C1QTNF7: variants seen among roughly 807,000 people sequenced by gnomAD.
The protein encoded by C1QTNF7 is C1q and TNF related 7, also known as complement C1q tumor necrosis factor-related protein 7.
C1QTNF7 carries 15 observed loss-of-function variants against 19.6 expected under a neutral mutation model. The ratio of observed to expected loss-of-function variants is 0.76; its 90% confidence interval spans 0.51 to 1.18. C1QTNF7 has a LOEUF of 1.18. Ranked by LOEUF, C1QTNF7 falls within the 50% of genes most tolerant of loss-of-function variation. C1QTNF7 has a pLI of 0.00. For missense variants in C1QTNF7, 324 were observed against 359.7 expected (o/e 0.90, Z 0.80); for synonymous variants, 142 against 137.5 (o/e 1.03, Z -0.23).
chr4:15,348,965 G>T (rs1033099512), intron 1 of C1QTNF7, among the ~76,000 whole-genome samples: 17 of 152,140 alleles, frequency 1.1e-4, no homozygotes, highest in Non-Finnish European at 2.2e-4. Flanking sequence ...ACAGTTGCAG[G>T]TAAACCTTCT....
chr4:15,370,446 C>A lies in C1QTNF7; in HGVS notation c.13+30239C>A, dbSNP rs540826938. Among the ~76,000 whole-genome samples the A allele has an allele frequency of 4.6e-5, 7 of 152,228 alleles. No homozygotes were observed. The South Asian group carries it at 1.5e-3, about 32-fold the overall frequency. The stretch of plus-strand genomic sequence containing the variant: ...GTATCTTTCACAACCCTGTGTGTGC[C>A]CTCCTTGGCTGGCTGTAATTAGGAA... On this transcript the variant is annotated intron_variant, in intron 1 of 2. Coordinates refer to the C1QTNF7 transcript ENST00000295297.
At chr4:15,340,284 C>T (rs1052096070) in intron 1 of C1QTNF7, 1 of 1,471,272 alleles carries the variant, frequency 6.8e-7, no homozygotes, top group Admixed American at 2.0e-5. Context: ...CCTGGGAGAA[C>T]TTAAGAAAGC....
intron 1 of C1QTNF7, among the ~76,000 whole-genome samples, chr4:15,369,265 G>A (rs985975925): frequency 6.6e-6 from 1 of 152,196 alleles, no homozygotes; most frequent in African/African-American, 2.4e-5. Context: ...CCCAGAATTA[G>A]GGAGAGGCAA....
At chr4:15,441,532 T>A (rs1560372764) in intron 2 of C1QTNF7, among the ~76,000 whole-genome samples, 1 of 152,354 alleles carries the variant, frequency 6.6e-6, no homozygotes, top group East Asian at 1.9e-4. Context: ...AATATCATCA[T>A]GCTCATTGAA....
chr4:15,384,849 C>T (rs1718273050), intron 1 of C1QTNF7, among the ~76,000 whole-genome samples: 2 of 152,064 alleles, frequency 1.3e-5, no homozygotes, highest in South Asian at 4.1e-4. Flanking sequence ...GTAGTGGCCT[C>T]CGGGGAGTGG....
intron 1 of C1QTNF7, among the ~76,000 whole-genome samples, chr4:15,420,826 C>CTTTTTTTTTTTTTTTTTT (rs61609914): frequency 3.0e-5 from 2 of 66,246 alleles, no homozygotes; most frequent in African/African-American, 1.2e-4. Context: ...ACTGCTTTGT[C>CTTTTTTTTTTTTTTTTTT]TTTTTTTTTT....
chr4:15,431,759 A>G (rs1038100321), intron 1 of C1QTNF7, among the ~76,000 whole-genome samples: 1 of 152,168 alleles, frequency 6.6e-6, no homozygotes, highest in African/African-American at 2.4e-5. Context: ...CCCTGCTGTA[A>G]GTGGTTGGAC....
chr4:15,370,872 C>A (rs1350459383), intron 1 of C1QTNF7, among the ~76,000 whole-genome samples: 1 of 152,166 alleles, frequency 6.6e-6, no homozygotes, highest in Non-Finnish European at 1.5e-5. Context: ...AATGGAAACA[C>A]TTAAGATTTA....
chr4:15,377,661 A>C (rs943122686), intron 1 of C1QTNF7, among the ~76,000 whole-genome samples: 1 of 152,156 alleles, frequency 6.6e-6, no homozygotes, highest in African/African-American at 2.4e-5. Flanking sequence ...GGAACTTTAG[A>C]TGCCTGGGAA....
intron 1 of C1QTNF7, among the ~76,000 whole-genome samples, chr4:15,344,042 A>G (rs1047728058): frequency 6.6e-6 from 1 of 152,208 alleles, no homozygotes; most frequent in Non-Finnish European, 1.5e-5. Flanking sequence ...TAAAGAATAG[A>G]TAAGGATTGG....
chr4:15,396,195 G>A lies in C1QTNF7; in HGVS notation c.14-39541G>A, dbSNP rs200285072. On this transcript the variant is annotated intron_variant, in intron 1 of 2. Coordinates refer to the C1QTNF7 transcript ENST00000295297. ...TGAGGGCTGCAGCCTGACAGCACCCGAATGTGAAGATTCAGCCACTTGTAC... is the reference window on the plus strand; with the variant it reads ...TGAGGGCTGCAGCCTGACAGCACCCAAATGTGAAGATTCAGCCACTTGTAC... 7.9e-5 allele frequency among the ~76,000 whole-genome samples: 12 copies of A among 152,258 alleles called. No individual in the cohort carries two copies. In the East Asian group the frequency reaches 1.5e-3, roughly 20 times the overall value.
intron 1 of C1QTNF7, among the ~76,000 whole-genome samples, chr4:15,378,091 A>G (rs1718008216): frequency 6.6e-6 from 1 of 152,230 alleles, no homozygotes; most frequent in Non-Finnish European, 1.5e-5. Flanking sequence ...AATAAAATAA[A>G]ACAGAATAAC....
chr4:15,392,578 C>G (rs1480996999), intron 1 of C1QTNF7, among the ~76,000 whole-genome samples: 1 of 152,192 alleles, frequency 6.6e-6, no homozygotes, highest in Non-Finnish European at 1.5e-5. Context: ...CCAGGGAGGA[C>G]CTGGTACAGC....
rs781578486 is a variant in C1QTNF7, at chr4:15,442,706, A to G, written c.777A>G (p.Ser259=). ...IFFTDQNGLF[S]DPGWADSLFS... is the part of the protein sequence containing the mutation. ...TCACAGACCAGAATGGCCTCTTCTC[A>G]GACCCAGGTTGGGCAGACAGCTTAT... is the stretch of plus-strand genomic sequence containing the variant. The change falls in exon 3 of 3, where the codon TCA becomes TCG. Residue 259 remains serine, a synonymous_variant. Transcript: ENST00000444304. The G allele has an allele frequency of 3.7e-6, 6 of 1,614,204 alleles. No homozygotes were observed. In the South Asian group the frequency reaches 6.6e-5, roughly 18 times the overall value.
intron 1 of C1QTNF7, among the ~76,000 whole-genome samples, chr4:15,367,463 C>T (rs1302074331): frequency 6.6e-6 from 1 of 152,172 alleles, no homozygotes; most frequent in Non-Finnish European, 1.5e-5. Flanking sequence ...ATTTATTTAT[C>T]TGGCGTTTTC....
rs753537535 is a variant in C1QTNF7, at chr4:15,442,189, C to A, written c.260C>A (p.Pro87Gln). 3.1e-6 allele frequency: 5 copies of A among 1,610,396 alleles called. No individual in the cohort carries two copies. Among genetic ancestry groups the A allele is most frequent in the Non-Finnish European group, 4.2e-6 (5 of 1,178,896 alleles). The change falls in exon 3 of 3, where the codon CCG (proline) becomes CAG (glutamine). Residue 87 changes from proline (P) to glutamine (Q), a missense_variant. Physicochemically the swap from Pro to Gln is moderately conservative, Grantham distance 76. Coordinates refer to ENST00000444304, the MANE Select transcript of C1QTNF7 (RefSeq NM_031911.5). The part of the protein sequence containing the change: ...GTAGLRGKTG[P>Q]LGLAGEKGDQ... ...GAAGGTTTGAGAGGTAAGACTGGACCGCTAGGTCTTGCCGGTGAGAAAGGG... is the reference window on the plus strand; with the variant it reads ...GAAGGTTTGAGAGGTAAGACTGGACAGCTAGGTCTTGCCGGTGAGAAAGGG...
At chr4:15,342,196 G>A (rs1441469324) in intron 1 of C1QTNF7, among the ~76,000 whole-genome samples, 1 of 152,188 alleles carries the variant, frequency 6.6e-6, no homozygotes, top group African/African-American at 2.4e-5. Context: ...TCGCCTCCGA[G>A]AGGCTGGGAG....
intron 1 of C1QTNF7, among the ~76,000 whole-genome samples, chr4:15,416,162 C>T (rs370061184): frequency 3.3e-5 from 5 of 152,286 alleles, no homozygotes; most frequent in African/African-American, 1.2e-4. Flanking sequence ...TTTGCAAGAA[C>T]AATCTATAAA....
chr4:15,342,990 A>G (rs576282831), intron 1 of C1QTNF7, among the ~76,000 whole-genome samples: 5 of 152,298 alleles, frequency 3.3e-5, no homozygotes, highest in African/African-American at 1.2e-4. Flanking sequence ...TCTATCTTCT[A>G]TGGGCATTCT....
Sources: allele counts gnomAD v4.1 joint callset (sites outside exome capture counted in the v4.1 genomes callset), GRCh38; gene constraint gnomAD v4.1.1; transcripts MANE v1.5; gene names NCBI Gene and HGNC (gene_info 2026-07-23, HGNC 2026-07-21).